Variants in LRIF1 observed in about 807,000 individuals in gnomAD.
LRIF1 encodes the protein ligand-dependent nuclear receptor-interacting factor 1.
LRIF1 carries 32 observed loss-of-function variants against 52.7 expected under a neutral mutation model. The observed-to-expected ratio is 0.61, with a 90% CI of 0.46 to 0.82. The LOEUF is 0.82. Ranked by LOEUF, LRIF1 falls within the 40% of genes least tolerant of loss-of-function variation. The probability of loss-of-function intolerance (pLI) is 0.00; values close to 1 mark genes in which losing one functional copy is unlikely to be tolerated. For missense variants in LRIF1, 887 were observed against 892.0 expected, an observed-to-expected ratio of 0.99 and a Z score of 0.07; for synonymous variants, 323 against 317.4, an observed-to-expected ratio of 1.02 and a Z score of -0.19.
chr1:110,886,888 G>A, the LRIF1 span, among the ~76,000 whole-genome samples: 1 of 87,554 alleles, frequency 1.1e-5, no homozygotes, highest in Admixed American at 1.3e-4. Context: ...TTCTGTCTGT[G>A]TTTCTTTGAG....
downstream of LRIF1, among the ~76,000 whole-genome samples, chr1:110,943,213 T>C (rs1234907928): frequency 6.6e-6 from 1 of 152,150 alleles, no homozygotes; most frequent in African/African-American, 2.4e-5. Context: ...ATTGGAGACC[T>C]TGACAACAGC....
chr1:110,963,646 C>A lies in LRIF1; in HGVS notation c.43G>T (p.Glu15Ter). The A allele has an allele frequency of 6.2e-7, 1 of 1,610,268 alleles. No individual in the cohort carries two copies. Among genetic ancestry groups the A allele is most frequent in the Non-Finnish European group, 8.5e-7 (1 of 1,177,026 alleles). The part of the protein sequence containing the change: ...LRRVFLKPAE[E>*]NSGNASRCVS... ...CAACGCGAGGCGTTGCCTGAATTTTCCTCTGCGGGTTTCAGGAAGACCCTC... is the reference window on the plus strand; with the variant it reads ...CAACGCGAGGCGTTGCCTGAATTTTACTCTGCGGGTTTCAGGAAGACCCTC... The change falls in exon 1 of 4, where the codon GAA becomes TAA. Residue 15 changes from glutamate (E) to a stop codon, truncating the protein, a stop_gained. Coordinates refer to ENST00000369763, the MANE Select transcript of LRIF1 (RefSeq NM_018372.4). LOFTEE classifies it high-confidence loss of function.
At chr1:110,906,875 T>C in the LRIF1 span, among the ~76,000 whole-genome samples, 1 of 152,206 alleles carries the variant, frequency 6.6e-6, no homozygotes, top group Non-Finnish European at 1.5e-5. Flanking sequence ...TGGGATGCTC[T>C]TGAAGAAAAA....
At chr1:110,917,237 T>G in the LRIF1 span, among the ~76,000 whole-genome samples, 1 of 152,236 alleles carries the variant, frequency 6.6e-6, no homozygotes, top group African/African-American at 2.4e-5. Context: ...TGTGTCCTCA[T>G]AGATTCCAAC....
the LRIF1 span, among the ~76,000 whole-genome samples, chr1:110,931,155 C>G: frequency 1.3e-5 from 2 of 152,118 alleles, no homozygotes; most frequent in African/African-American, 4.8e-5. Flanking sequence ...CCCTGACAGG[C>G]CCTGCTGTGT....
chr1:110,925,770 A>G, the LRIF1 span, among the ~76,000 whole-genome samples: 5 of 152,182 alleles, frequency 3.3e-5, no homozygotes, highest in Non-Finnish European at 5.9e-5. Context: ...GAATTGGTTT[A>G]TCCAGTTTAA....
intron 1 of LRIF1, among the ~76,000 whole-genome samples, chr1:110,955,709 C>A (rs1019748478): frequency 3.3e-5 from 5 of 152,202 alleles, no homozygotes; most frequent in Admixed American, 6.5e-5. Flanking sequence ...AAGTAGACAA[C>A]TCTTTTTAAA....
chr1:110,894,282 G>T, the LRIF1 span: 1 of 1,555,396 alleles, frequency 6.4e-7, no homozygotes, highest in South Asian at 1.1e-5. Flanking sequence ...GGAGTGGGAC[G>T]AGAATGGGGA....
chr1:110,955,199 G>C lies in LRIF1; in HGVS notation c.69-2384C>G, dbSNP rs939779444. ...AAATAGCATCTCATCTACCTTAGGT[G>C]CCTTAAGTCAGAATAGATAAATCCT... On this transcript the variant is annotated intron_variant, in intron 1 of 3. Coordinates refer to ENST00000369763, the MANE Select transcript of LRIF1 (RefSeq NM_018372.4). Among the ~76,000 whole-genome samples the C allele has an allele frequency of 2.0e-5, 3 of 152,136 alleles. No individual in the cohort carries two copies. The South Asian group carries it at 6.2e-4, about 32-fold the overall frequency.
intron 2 of LRIF1, among the ~76,000 whole-genome samples, chr1:110,950,537 C>A (rs1414131987): frequency 6.6e-6 from 1 of 151,924 alleles, no homozygotes; most frequent in Non-Finnish European, 1.5e-5. Context: ...GAATTCTGTA[C>A]TGAAGGGGAG....
At chr1:110,918,723 C>T in the LRIF1 span, among the ~76,000 whole-genome samples, 1 of 152,180 alleles carries the variant, frequency 6.6e-6, no homozygotes, top group African/African-American at 2.4e-5. Flanking sequence ...AGAGACCTCA[C>T]ACACTTGGGC....
the LRIF1 span, among the ~76,000 whole-genome samples, chr1:110,929,593 T>C: frequency 0.057 from 8,725 of 152,268 alleles, 293 homozygotes; most frequent in East Asian, 0.14. Context: ...ATGTACTTTG[T>C]CTACTTTTTA....
chr1:110,894,277 G>T, the LRIF1 span: 3 of 1,527,534 alleles, frequency 2.0e-6, no homozygotes, highest in Admixed American at 3.3e-5. Flanking sequence ...GAGTGGGAGT[G>T]GGACGAGAAT....
In LRIF1 at chr1:110,950,065, T is replaced by G. The variant is rs1255735368; in HGVS notation, c.1655A>C (p.Lys552Thr). Residue 552 changes from lysine to threonine, a missense_variant, in exon 3 of 4, where the codon AAA (lysine) becomes ACA (threonine). Transcript: ENST00000369763. ...DKGAQGRNDK[K>T]DSQGRSNKAL... ...CTTATTACTTCTTCCTTGAGAATCT[T>G]TCTTGTCATTTCTTCCTTGGGCACC... 2.5e-6 allele frequency: 4 copies of G among 1,614,038 alleles called. No individual in the cohort carries two copies. Among genetic ancestry groups the G allele is most frequent in the African/African-American group, 1.3e-5 (1 of 75,064 alleles).
At chr1:110,910,455 G>A in the LRIF1 span, among the ~76,000 whole-genome samples, 3 of 152,062 alleles carry the variant, frequency 2.0e-5, no homozygotes, top group African/African-American at 7.2e-5. Flanking sequence ...AAAACAATTA[G>A]CTGGGCATGG....
chr1:110,958,562 T>A (rs1397900115), intron 1 of LRIF1, among the ~76,000 whole-genome samples: 4 of 152,198 alleles, frequency 2.6e-5, no homozygotes, highest in African/African-American at 9.6e-5. Context: ...GTATTTTATA[T>A]GATGTCTATA....
At chr1:110,961,532 T>C (rs1393604068) in intron 1 of LRIF1, among the ~76,000 whole-genome samples, 2 of 152,176 alleles carry the variant, frequency 1.3e-5, no homozygotes, top group African/African-American at 4.8e-5. Flanking sequence ...AAGATTAAAT[T>C]TGGGTTTTAC....
At chr1:110,952,867 T>G in intron 1 of LRIF1, 52 bp from the exon 2 acceptor site, 1 of 940,554 alleles carries the variant, frequency 1.1e-6, no homozygotes, top group Non-Finnish European at 1.4e-6. Context: ...GTATATACAT[T>G]TTATTTAAAA....
chr1:110,952,204 G>A lies in LRIF1; in HGVS notation c.680C>T (p.Pro227Leu), dbSNP rs1658510366. Residue 227 changes from proline (P) to leucine (L), a missense_variant, in exon 2 of 4, where the codon CCA becomes CTA. Pro to Leu is a moderately conservative substitution (Grantham distance 98). Coordinates refer to ENST00000369763, the MANE Select transcript of LRIF1 (RefSeq NM_018372.4). ...TSGMVEASQM[P>L]TVIYVSPVNT... ...TACAGGAGATACATAAATAACGGTT[G>A]GCATTTGGGAGGCCTCAACCATTCC... The A allele has an allele frequency of 6.2e-7, 1 of 1,614,074 alleles. No homozygotes were observed. Among genetic ancestry groups the A allele is most frequent in the Non-Finnish European group, 8.5e-7 (1 of 1,180,034 alleles).
Sources: allele counts gnomAD v4.1 joint callset (sites outside exome capture counted in the v4.1 genomes callset), GRCh38; gene constraint gnomAD v4.1.1; transcripts MANE v1.5; gene names NCBI Gene and HGNC (gene_info 2026-07-23, HGNC 2026-07-21).